The following COL4A2 variants were observed in gnomAD, a reference collection of about 807,000 sequenced individuals.
COL4A2 encodes the protein collagen type IV alpha 2 chain.
In COL4A2, 99 loss-of-function variants were observed where a neutral mutation model predicts 200.2. The observed-to-expected ratio is 0.49, with a 90% CI of 0.42 to 0.58. The LOEUF (loss-of-function observed/expected upper bound fraction) is 0.58, where lower values mean the gene tolerates loss of function less well. Ranked by LOEUF, COL4A2 falls within the 20% of genes least tolerant of loss-of-function variation. The pLI, the probability that COL4A2 is intolerant of heterozygous loss-of-function variation, is 0.00. For missense variants in COL4A2, 1,950 were observed against 2,314.1 expected (o/e 0.84, Z 3.23); for synonymous variants, 897 against 900.6 (o/e 1.00, Z 0.07).
chr13:110,423,811 A>G (rs978853333), intron 4 of COL4A2, among the ~76,000 whole-genome samples: 1 of 152,138 alleles, frequency 6.6e-6, no homozygotes, highest in South Asian at 2.1e-4. Flanking sequence ...AGGGGCCTCT[A>G]TACAGGAGTT....
rs555852937 is a variant in COL4A2 at position 110,327,194 on chromosome 13, T to C, written c.99+19071T>C. On this transcript the variant is annotated intron_variant, in intron 3 of 47. Coordinates refer to ENST00000360467, the MANE Select transcript of COL4A2 (RefSeq NM_001846.4). ...CCAGCACACACACTCTTACATCTGC[T>C]CCCTCCCTGGTTTATGATTCCCAGG... Among the ~76,000 whole-genome samples, 24 of 152,222 alleles carry C rather than the reference T, an allele frequency of 1.6e-4. No individual in the cohort carries two copies. The East Asian group carries it at 4.5e-3, about 28-fold the overall frequency.
rs78305534 is a variant in COL4A2, at chr13:110,439,554, T to A, written c.913-235T>A. Reference sequence around the variant, plus strand: ...CTGCTTTCTTCGAGCCTTTTTATCATAGTCATTATTTCCCATCCCCACCTC... The same window carrying A: ...CTGCTTTCTTCGAGCCTTTTTATCAAAGTCATTATTTCCCATCCCCACCTC... On this transcript the variant is annotated intron_variant, in intron 15 of 47. Transcript: ENST00000360467. Among the ~76,000 whole-genome samples the A allele has an allele frequency of 7.1e-3, 1,077 of 152,324 alleles. 9 individuals carry two copies. Among genetic ancestry groups the A allele is most frequent in the African/African-American group, 0.022 (924 of 41,574 alleles).
chr13:110,450,428 G>A lies in COL4A2; in HGVS notation c.1313G>A (p.Gly438Glu). 1 of 1,613,888 alleles carries A rather than the reference G, an allele frequency of 6.2e-7. No homozygotes were observed. The highest frequency in any genetic ancestry group is 8.5e-7 in the Non-Finnish European group (1 of 1,179,962). ...DGKRGPPGPP[G>E]LPGPPGPDGF... ...AAGCGAGGGCCTCCAGGACCCCCCG[G>A]GCTCCCTGGACCACCTGGACCTGAT... The change falls in exon 20 of 48, where the codon GGG (glycine) becomes GAG (glutamate). Residue 438 changes from glycine to glutamate, a missense_variant. By Grantham distance (98) the Gly-to-Glu change is moderately conservative (BLOSUM62 -2). Around this residue, in one of 2 missense-constraint regions of COL4A2, gnomAD observed 565 missense variants for 593.5 expected, o/e 0.95. Coordinates refer to ENST00000360467, the MANE Select transcript of COL4A2 (RefSeq NM_001846.4).
intron 4 of COL4A2, among the ~76,000 whole-genome samples, chr13:110,397,813 G>A (rs74127436): frequency 0.02 from 2,972 of 152,210 alleles, 91 homozygotes; most frequent in African/African-American, 0.068. Context: ...TCAGAAGAAG[G>A]CTTTTACACC....
At chr13:110,331,515 C>T (rs572436634) in intron 3 of COL4A2, among the ~76,000 whole-genome samples, 10 of 152,138 alleles carry the variant, frequency 6.6e-5, no homozygotes, top group Non-Finnish European at 1.2e-4. Context: ...CTGACTTCCA[C>T]GGTGCTGAGA....
intron 4 of COL4A2, among the ~76,000 whole-genome samples, chr13:110,408,785 G>C (rs565630812): frequency 4.8e-5 from 7 of 145,402 alleles, no homozygotes; most frequent in Non-Finnish European, 6.0e-5. Context: ...CACATGACAC[G>C]CGTACACACA....
chr13:110,479,149 G>A (rs147052702), intron 30 of COL4A2, among the ~76,000 whole-genome samples: 13 of 152,332 alleles, frequency 8.5e-5, no homozygotes, highest in African/African-American at 1.2e-4. Flanking sequence ...CGACAGGGCC[G>A]TGCTGGTTCT....
At chr13:110,410,939 T>A (rs1465406387) in intron 4 of COL4A2, among the ~76,000 whole-genome samples, 1 of 152,186 alleles carries the variant, frequency 6.6e-6, no homozygotes, top group South Asian at 2.1e-4. Flanking sequence ...AACTGATCAG[T>A]GTTAAATCAC....
Position 110,512,092 on chromosome 13 carries a change from C to T in COL4A2, c.5040C>T (p.Pro1680=), listed in dbSNP as rs558880140. Residue 1680 remains proline (P), a synonymous_variant, in exon 48 of 48, where the codon CCC becomes CCT. Coordinates refer to ENST00000360467, the MANE Select transcript of COL4A2 (RefSeq NM_001846.4). ...ACAGCTTCTGGCTGACCACCATTCC[C>T]GAGCAGAGCTTCCAGGGCTCGCCCT... ...NKYSFWLTTI[P]EQSFQGSPSA... is the part of the protein sequence containing the mutation. 11 of 1,613,752 alleles carry T rather than the reference C, an allele frequency of 6.8e-6. No individual in the cohort carries two copies. The highest frequency in any genetic ancestry group is 2.2e-5 in the South Asian group (2 of 91,086).
At chr13:110,452,721 A>G (rs918355715) in intron 20 of COL4A2, among the ~76,000 whole-genome samples, 16 of 152,078 alleles carry the variant, frequency 1.1e-4, no homozygotes, top group African/African-American at 3.9e-4. Flanking sequence ...TGGATCATGA[A>G]CCTGCCAAAG....
At chr13:110,491,182 C>A (rs747738360) in intron 36 of COL4A2, 51 bp from the exon 37 acceptor site, 1 of 1,351,302 alleles carries the variant, frequency 7.4e-7, no homozygotes, top group East Asian at 2.5e-5. Flanking sequence ...TCCAGGGAAC[C>A]CACAGGGGCG....
intron 8 of COL4A2, chr13:110,430,171 C>T (rs1880622747): frequency 5.9e-6 from 4 of 678,572 alleles, no homozygotes; most frequent in Middle Eastern, 4.3e-4. Flanking sequence ...ATTCACAATA[C>T]TCCAAGCCAA....
chr13:110,461,513 CTTAT>C (rs778029943), intron 22 of COL4A2, among the ~76,000 whole-genome samples: 1 of 152,168 alleles, frequency 6.6e-6, no homozygotes. Context: ...ATTGTATTTA[CTTAT>C]TTATTTATTT....
At chr13:110,369,079 A>T (rs1805993616) in intron 4 of COL4A2, among the ~76,000 whole-genome samples, 1 of 152,024 alleles carries the variant, frequency 6.6e-6, no homozygotes, top group South Asian at 2.1e-4. Context: ...GCGTGGTGGC[A>T]CGCCACCTGT....
At chr13:110,330,646 G>A (rs938734527) in intron 3 of COL4A2, among the ~76,000 whole-genome samples, 3 of 152,036 alleles carry the variant, frequency 2.0e-5, no homozygotes, top group East Asian at 1.9e-4. Flanking sequence ...TCTTGGAAAC[G>A]CTTCTCCGAT....
chr13:110,355,315 CTG>C (rs544298819), intron 3 of COL4A2, among the ~76,000 whole-genome samples: 1 of 137,498 alleles, frequency 7.3e-6, no homozygotes, highest in Non-Finnish European at 1.5e-5. Context: ...AGTAGCTCAA[CTG>C]TGTGTGGGAG....
intron 10 of COL4A2, 22 bp from the exon 11 acceptor site, chr13:110,432,303 A>G (rs1193627852): frequency 8.1e-6 from 13 of 1,600,186 alleles, no homozygotes; most frequent in African/African-American, 1.3e-5. Flanking sequence ...AACCATTTAC[A>G]CATTTCTTTG....
rs556055578 is a variant in COL4A2 at position 110,486,070 on chromosome 13, G to GTGAAGCATGTTGTCTGCATTTT, written c.3207+236_3207+257dup. ...TGGCCCTTCTGTGGGCTTGTGCTGGGTGAAGCATGTTGTCTGCATTTTTCA... is the reference window on the plus strand; with the variant it reads ...TGGCCCTTCTGTGGGCTTGTGCTGGGTGAAGCATGTTGTCTGCATTTTTGAAGCATGTTGTCTGCATTTTTCA... On this transcript the variant is annotated intron_variant, in intron 34 of 47. Transcript: ENST00000360467. 5.9e-3 allele frequency among the ~76,000 whole-genome samples: 896 copies of GTGAAGCATGTTGTCTGCATTTT among 152,304 alleles called. 13 individuals carry two copies. Among genetic ancestry groups the GTGAAGCATGTTGTCTGCATTTT allele is most frequent in the African/African-American group, 0.021 (861 of 41,552 alleles).
At chr13:110,400,384 G>A (rs1234590841) in intron 4 of COL4A2, among the ~76,000 whole-genome samples, 1 of 152,212 alleles carries the variant, frequency 6.6e-6, no homozygotes, top group African/African-American at 2.4e-5. Flanking sequence ...CCTTCTCCCT[G>A]AAAGAGTTGA....
Sources: allele counts gnomAD v4.1 joint callset (sites outside exome capture counted in the v4.1 genomes callset), GRCh38; gene constraint gnomAD v4.1.1; regional missense constraint gnomAD v4.1.1; transcripts MANE v1.5; gene names NCBI Gene and HGNC (gene_info 2026-07-23, HGNC 2026-07-21).